The following PHKB variants were observed in gnomAD, a reference collection of about 807,000 sequenced individuals.
The protein encoded by PHKB is phosphorylase b kinase regulatory subunit beta.
Under a neutral mutation model 152.1 loss-of-function variants are expected in PHKB, and 122 were observed. The ratio of observed to expected loss-of-function variants is 0.80; its 90% confidence interval spans 0.69 to 0.93. PHKB has a LOEUF of 0.93. PHKB is among the 40% of genes least tolerant of loss of function. The pLI is 0.00. For missense variants in PHKB, 1,304 were observed against 1,328.4 expected, an observed-to-expected ratio of 0.98 and a Z score of 0.29; for synonymous variants, 436 against 464.9, an observed-to-expected ratio of 0.94 and a Z score of 0.80.
At chr16:47,669,576 A>G (rs1483517837) in intron 26 of PHKB, among the ~76,000 whole-genome samples, 159 bp downstream of exon 26, 1 of 152,212 alleles carries the variant, frequency 6.6e-6, no homozygotes, top group Non-Finnish European at 1.5e-5. Flanking sequence ...GGGGTATGAA[A>G]AATAAATGCC....
intron 26 of PHKB, among the ~76,000 whole-genome samples, chr16:47,681,672 G>T (rs372917836): frequency 1.3e-5 from 2 of 152,060 alleles, no homozygotes; most frequent in African/African-American, 4.8e-5. Flanking sequence ...GTCTCTGCAC[G>T]TGAGATGGGT....
intron 18 of PHKB, 78 bp downstream of exon 18, chr16:47,649,282 C>T: frequency 1.2e-6 from 1 of 837,752 alleles, no homozygotes; most frequent in Non-Finnish European, 2.1e-6. Flanking sequence ...ATATTGAGTA[C>T]TCCCAGGTAT....
intron 6 of PHKB, among the ~76,000 whole-genome samples, chr16:47,542,837 T>G (rs1222821799): frequency 6.6e-6 from 1 of 152,212 alleles, no homozygotes; most frequent in Non-Finnish European, 1.5e-5. Context: ...TTGTGATTTT[T>G]GCACATTGAT....
chr16:47,508,818 T>C (rs979848084), intron 4 of PHKB, among the ~76,000 whole-genome samples: 3 of 152,240 alleles, frequency 2.0e-5, no homozygotes, highest in Non-Finnish European at 4.4e-5. Flanking sequence ...TTGTTTGTAA[T>C]TGACATACAG....
At chr16:47,630,340 G>A (rs903541113) in intron 14 of PHKB, among the ~76,000 whole-genome samples, 2 of 151,918 alleles carry the variant, frequency 1.3e-5, no homozygotes, top group African/African-American at 4.8e-5. Flanking sequence ...AAATTAGCCG[G>A]GCATGGTGGC....
chr16:47,636,328 G>A (rs1972919386), intron 14 of PHKB, among the ~76,000 whole-genome samples: 1 of 152,170 alleles, frequency 6.6e-6, no homozygotes, highest in Non-Finnish European at 1.5e-5. Flanking sequence ...GCTGCAGCAG[G>A]GGAAGTGTGG....
intron 1 of PHKB, among the ~76,000 whole-genome samples, chr16:47,466,548 G>A (rs1026999129): frequency 6.6e-6 from 1 of 152,192 alleles, no homozygotes; most frequent in Non-Finnish European, 1.5e-5. Flanking sequence ...TGGCTCATGA[G>A]CTTATCTACC....
intron 10 of PHKB, among the ~76,000 whole-genome samples, chr16:47,593,037 G>A (rs2151699771): frequency 6.6e-6 from 1 of 151,662 alleles, no homozygotes; most frequent in Non-Finnish European, 1.5e-5. Context: ...GATCTCTTGA[G>A]GCCAGGGGTT....
chr16:47,464,066 A>G (rs1293036551), intron 1 of PHKB: 6 of 948,430 alleles, frequency 6.3e-6, no homozygotes, highest in Admixed American at 1.7e-5. Flanking sequence ...TGATTTCACT[A>G]TAAGATATCA....
intron 7 of PHKB, chr16:47,565,439 C>T: frequency 7.2e-7 from 1 of 1,381,724 alleles, no homozygotes; most frequent in Non-Finnish European, 1.0e-6. Flanking sequence ...TGTGATAGAG[C>T]AGGAGGGTTA....
At position 47,693,371 on chromosome 16, in the gene PHKB, G is replaced by C; in HGVS notation, c.2766-7G>C. The stretch of plus-strand genomic sequence containing the variant: ...TTCAACTCTGAGACATTTGCCTTTT[G>C]TTACAGATGTTGGCTGAACAGGCGT... On this transcript the variant is annotated splice_polypyrimidine_tract_variant and splice_region_variant and intron_variant, in intron 27 of 30. Transcript: ENST00000323584. 6.2e-7 allele frequency: 1 copy of C among 1,613,932 alleles called. No homozygotes were observed. Among genetic ancestry groups the C allele is most frequent in the African/African-American group, 1.3e-5 (1 of 75,022 alleles).
At chr16:47,590,936 T>C (rs1972018691) in intron 10 of PHKB, 1 of 152,244 alleles carries the variant, frequency 6.6e-6, no homozygotes, top group South Asian at 2.1e-4. Context: ...CTTTCATTTC[T>C]GCATGGTCTC....
rs544186123 is a variant in PHKB at position 47,473,279 on chromosome 16, TG to T, written c.76+11854del. On this transcript the variant is annotated intron_variant, in intron 1 of 30. Coordinates refer to ENST00000323584, the MANE Select transcript of PHKB (RefSeq NM_000293.3). Reference sequence around the variant, plus strand: ...TTGTAGAGACAAGTCCTCACTATTTTGCCCAGGCTGGTCTGGAACTCCCAGT... The same window carrying T: ...TTGTAGAGACAAGTCCTCACTATTTTCCCAGGCTGGTCTGGAACTCCCAGT... 2.4e-3 allele frequency among the ~76,000 whole-genome samples: 338 copies of T among 143,570 alleles called. 2 individuals carry two copies. The highest frequency in any genetic ancestry group is 7.9e-3 in the African/African-American group (312 of 39,510). 94.2% of individuals were successfully genotyped at this position (143,570 alleles called of 152,430 possible).
intron 6 of PHKB, among the ~76,000 whole-genome samples, chr16:47,528,011 T>C (rs1970797164): frequency 6.6e-6 from 1 of 152,232 alleles, no homozygotes; most frequent in Non-Finnish European, 1.5e-5. Context: ...TATGGTATTT[T>C]ATATGGCAGC....
chr16:47,599,036 T>G (rs981490951), intron 13 of PHKB: 3 of 676,870 alleles, frequency 4.4e-6, no homozygotes, highest in Non-Finnish European at 7.6e-6. Context: ...ACACATGAAA[T>G]AGTTTTCTTA....
chr16:47,560,672 T>G (rs13332953), intron 7 of PHKB, among the ~76,000 whole-genome samples: 17,884 of 152,142 alleles, frequency 0.12, 2,309 homozygotes, highest in African/African-American at 0.32. Context: ...AAGGATAGTT[T>G]TCAACAAATA....
At chr16:47,487,560 C>T (rs1306441763) in intron 1 of PHKB, among the ~76,000 whole-genome samples, 1 of 151,858 alleles carries the variant, frequency 6.6e-6, no homozygotes, top group African/African-American at 2.4e-5. Context: ...AGCATAGTAC[C>T]CAATAGGTAG....
chr16:47,513,856 T>C (rs1285165317), intron 5 of PHKB, among the ~76,000 whole-genome samples: 1 of 152,256 alleles, frequency 6.6e-6, no homozygotes, highest in Non-Finnish European at 1.5e-5. Flanking sequence ...TGAGATACAA[T>C]TCACGTAACA....
chr16:47,548,197 T>G (rs542030253), intron 7 of PHKB: 1 of 152,640 alleles, frequency 6.6e-6, no homozygotes, highest in African/African-American at 2.4e-5. Context: ...AGATCATATT[T>G]TAATAACAAA....
Sources: gnomAD v4.1 joint callset for allele counts (sites outside exome capture counted in the v4.1 genomes callset) on GRCh38, gnomAD v4.1.1 for gene constraint, MANE v1.5 for transcripts, NCBI Gene and HGNC (gene_info 2026-07-23, HGNC 2026-07-21) for gene names.